Variants in HYCC2 observed in about 807,000 individuals in gnomAD.
The protein encoded by HYCC2 is hyccin 2.
the HYCC2 span, among the ~76,000 whole-genome samples, chr2:201,042,720 C>T: frequency 1.3e-5 from 2 of 150,712 alleles, no homozygotes; most frequent in Non-Finnish European, 3.0e-5. Flanking sequence ...CCCGCCCGGC[C>T]AGCCGCCCCG....
chr2:201,069,993 C>T, the HYCC2 span, among the ~76,000 whole-genome samples: 138 of 152,292 alleles, frequency 9.1e-4, no homozygotes, highest in African/African-American at 3.2e-3. Flanking sequence ...GCTGACACTA[C>T]ATTAGACCTT....
chr2:200,975,733 C>T, the HYCC2 span: 2 of 152,056 alleles, frequency 1.3e-5, no homozygotes, highest in African/African-American at 4.8e-5. Flanking sequence ...ATGTACATTT[C>T]TCATAGGACT....
the HYCC2 span, among the ~76,000 whole-genome samples, chr2:200,995,829 T>C: frequency 1.3e-5 from 2 of 152,202 alleles, no homozygotes; most frequent in Admixed American, 6.5e-5. Context: ...TGTGATGTTT[T>C]ACCCTGCTCA....
the HYCC2 span, chr2:200,975,969 C>T: frequency 6.6e-6 from 1 of 152,080 alleles, no homozygotes; most frequent in Non-Finnish European, 1.5e-5. Context: ...ATATGACCAT[C>T]TTGGCAGGGA....
the HYCC2 span, among the ~76,000 whole-genome samples, chr2:201,012,461 A>AAAACAAAC: frequency 1.3e-5 from 2 of 152,130 alleles, no homozygotes; most frequent in Admixed American, 6.6e-5. Context: ...CCCTGTCTCA[A>AAAACAAAC]AAACAAACAA....
the HYCC2 span, chr2:200,978,618 G>A: frequency 6.6e-6 from 1 of 151,842 alleles, no homozygotes; most frequent in African/African-American, 2.4e-5. Flanking sequence ...TGGGATTACA[G>A]GCGCCTGCCA....
the HYCC2 span, chr2:201,022,757 A>C: frequency 1.1e-6 from 1 of 934,192 alleles, no homozygotes; most frequent in South Asian, 2.1e-5. Context: ...AAAATTATAA[A>C]ACTTAAATTT....
At chr2:201,013,780 T>C in the HYCC2 span, among the ~76,000 whole-genome samples, 1 of 152,206 alleles carries the variant, frequency 6.6e-6, no homozygotes, top group Non-Finnish European at 1.5e-5. Flanking sequence ...GTTTTAATTT[T>C]ATTCTTAAAT....
the HYCC2 span, among the ~76,000 whole-genome samples, chr2:201,037,853 C>T: frequency 3.9e-5 from 6 of 152,230 alleles, no homozygotes; most frequent in South Asian, 8.3e-4. Flanking sequence ...ATGTCTAAAA[C>T]ACCAAAAGTA....
the HYCC2 span, among the ~76,000 whole-genome samples, chr2:200,985,761 C>A: frequency 1.8e-4 from 27 of 152,100 alleles, no homozygotes; most frequent in African/African-American, 6.5e-4. Flanking sequence ...CTCCCTCCCC[C>A]AAATTGAAAT....
At chr2:201,025,611 C>A in the HYCC2 span, among the ~76,000 whole-genome samples, 1 of 152,072 alleles carries the variant, frequency 6.6e-6, no homozygotes, top group South Asian at 2.1e-4. Flanking sequence ...AGAAAGAGAA[C>A]ATTCTAGGAA....
the HYCC2 span, among the ~76,000 whole-genome samples, chr2:201,061,897 G>C: frequency 6.6e-6 from 1 of 151,410 alleles, no homozygotes; most frequent in Non-Finnish European, 1.5e-5. Flanking sequence ...CTTGAGCCCA[G>C]AAGTTTGAGA....
At chr2:201,068,526 C>T in the HYCC2 span, among the ~76,000 whole-genome samples, 1 of 152,148 alleles carries the variant, frequency 6.6e-6, no homozygotes, top group Non-Finnish European at 1.5e-5. Context: ...AATACATCTA[C>T]CCCCTTCACA....
chr2:201,069,555 C>G, the HYCC2 span, among the ~76,000 whole-genome samples: 1 of 91,280 alleles, frequency 1.1e-5, no homozygotes. Context: ...CACACACACA[C>G]ACACACACAC....
the HYCC2 span, among the ~76,000 whole-genome samples, chr2:201,050,763 C>A: frequency 6.6e-6 from 1 of 151,796 alleles, no homozygotes; most frequent in South Asian, 2.1e-4. Context: ...GGTGAAACCC[C>A]GTCTCTACTA....
chr2:201,005,431 G>A, the HYCC2 span, among the ~76,000 whole-genome samples: 46 of 152,038 alleles, frequency 3.0e-4, no homozygotes, highest in African/African-American at 9.4e-4. Context: ...TCCCACCTAA[G>A]GCAGTGGTTC....
chr2:200,992,995 A>T, the HYCC2 span: 1 of 1,608,610 alleles, frequency 6.2e-7, no homozygotes, highest in Non-Finnish European at 8.5e-7. Flanking sequence ...AAAGCCACTC[A>T]CACAAACCCT....
chr2:201,040,485 A>T, the HYCC2 span, among the ~76,000 whole-genome samples: 2 of 149,280 alleles, frequency 1.3e-5, no homozygotes, highest in Admixed American at 6.7e-5. Context: ...GAATCTCATA[A>T]TTTTTTTTTG....
chr2:201,037,651 T>C, the HYCC2 span, among the ~76,000 whole-genome samples: 4 of 152,110 alleles, frequency 2.6e-5, no homozygotes, highest in Non-Finnish European at 4.4e-5. Flanking sequence ...AAAGGATTCT[T>C]TATTTAATAA....
Sources: gnomAD v4.1 joint callset for allele counts (sites outside exome capture counted in the v4.1 genomes callset) on GRCh38, gnomAD v4.1.1 for gene constraint, MANE v1.5 for transcripts, NCBI Gene and HGNC (gene_info 2026-07-23, HGNC 2026-07-21) for gene names.